GRM8: variants seen among roughly 807,000 people sequenced by gnomAD.
The protein encoded by GRM8 is metabotropic glutamate receptor 8.
GRM8 carries 47 observed loss-of-function variants against 87.2 expected under a neutral mutation model. The observed-to-expected ratio is 0.54, with a 90% confidence interval of 0.43 to 0.69. The LOEUF is 0.69. GRM8 is among the 30% of genes least tolerant of loss of function. GRM8 has a pLI of 0.00. For missense variants in GRM8, 1,019 were observed against 1,139.2 expected (o/e 0.89, Z 1.52); for synonymous variants, 396 against 404.5 (o/e 0.98, Z 0.25).
intron 6 of GRM8, among the ~76,000 whole-genome samples, chr7:126,774,525 T>C (rs1166559751): frequency 4.6e-5 from 7 of 152,156 alleles, no homozygotes; most frequent in Non-Finnish European, 8.8e-5. Context: ...AGTGTTTTCA[T>C]GGTGAGAGAG....
At chr7:126,673,037 G>T (rs983864136) in intron 7 of GRM8, among the ~76,000 whole-genome samples, 11 of 152,264 alleles carry the variant, frequency 7.2e-5, no homozygotes, top group African/African-American at 2.6e-4. Flanking sequence ...GGGGGTGCCT[G>T]GAGAAACTCC....
intron 3 of GRM8, among the ~76,000 whole-genome samples, chr7:126,921,402 G>C (rs752628209): frequency 5.9e-5 from 9 of 151,956 alleles, no homozygotes; most frequent in Non-Finnish European, 1.2e-4. Flanking sequence ...CCCCAAAAGA[G>C]AAAATAGAGG....
At chr7:127,021,873 G>A (rs1438127775) in intron 3 of GRM8, among the ~76,000 whole-genome samples, 2 of 152,034 alleles carry the variant, frequency 1.3e-5, no homozygotes, top group East Asian at 3.9e-4. Context: ...GAAAAGATAT[G>A]TGCAATTTTT....
At chr7:126,657,546 C>T (rs79831336) in intron 7 of GRM8, among the ~76,000 whole-genome samples, 1,992 of 152,310 alleles carry the variant, frequency 0.013, 23 homozygotes, top group Non-Finnish European at 0.022. Context: ...GGAACATAAA[C>T]TTTGAAATCA....
chr7:126,475,451 G>GA (rs931594606), intron 9 of GRM8, among the ~76,000 whole-genome samples: 3 of 151,876 alleles, frequency 2.0e-5, no homozygotes, highest in African/African-American at 7.2e-5. Context: ...AGACATTGAT[G>GA]AAAAAATTGA....
chr7:126,647,918 C>A (rs1220428617), intron 7 of GRM8, among the ~76,000 whole-genome samples: 1 of 152,118 alleles, frequency 6.6e-6, no homozygotes, highest in Non-Finnish European at 1.5e-5. Flanking sequence ...TTACCTTAAT[C>A]AAAATTCTTC....
At chr7:126,887,264 T>C (rs1351573570) in intron 6 of GRM8, among the ~76,000 whole-genome samples, 1 of 152,130 alleles carries the variant, frequency 6.6e-6, no homozygotes, top group Non-Finnish European at 1.5e-5. Context: ...GTGTATGGTT[T>C]ACAAATGCAG....
rs188157342 is a variant in GRM8, at chr7:126,438,911, C to T, written c.*208G>A. The T allele has an allele frequency of 4.2e-6, 2 of 471,588 alleles. No individual in the cohort carries two copies. Among genetic ancestry groups the T allele is most frequent in the African/African-American group, 2.0e-5 (1 of 50,418 alleles). 29.2% of individuals were successfully genotyped at this position (471,588 alleles called of 1,614,324 possible). ...GAATAAGCAATACTTTAGCTTGACA[C>T]TCATTGGTTTTATTGTATAAAACGG... On this transcript the variant is annotated 3_prime_UTR_variant, in exon 11 of 11. Coordinates refer to ENST00000339582, the MANE Select transcript of GRM8 (RefSeq NM_000845.3).
chr7:126,826,338 C>G (rs1347042013), intron 6 of GRM8, among the ~76,000 whole-genome samples: 1 of 152,196 alleles, frequency 6.6e-6, no homozygotes, highest in Non-Finnish European at 1.5e-5. Context: ...GTCCCAACAA[C>G]AGTGTAAAAG....
chr7:127,228,439 G>GGACT (rs1797478829), intron 2 of GRM8: 1 of 152,198 alleles, frequency 6.6e-6, no homozygotes, highest in Admixed American at 6.5e-5. Context: ...AACACCTGAA[G>GGACT]GACTGTCTCA....
chr7:127,193,823 A>C (rs1795145824), intron 2 of GRM8, among the ~76,000 whole-genome samples: 3 of 152,232 alleles, frequency 2.0e-5, no homozygotes. Context: ...CTCTTTCTGC[A>C]GTATCTGTTT....
intron 9 of GRM8, among the ~76,000 whole-genome samples, 166 bp downstream of exon 9, chr7:126,532,762 GAGATATATATATATATATATATAT>G (rs1387100212): frequency 2.5e-5 from 2 of 80,526 alleles, no homozygotes; most frequent in African/African-American, 8.9e-5. Context: ...TTGACGGATG[GAGATATATATATATATATATATAT>G]ATATATATAT....
At chr7:127,051,310 T>C (rs1396302375) in intron 3 of GRM8, among the ~76,000 whole-genome samples, 1 of 149,256 alleles carries the variant, frequency 6.7e-6, no homozygotes, top group Non-Finnish European at 1.5e-5. Context: ...GAACCACTTC[T>C]TCAGCAGTGT....
intron 10 of GRM8, among the ~76,000 whole-genome samples, chr7:126,444,872 G>A (rs1801839465): frequency 6.6e-6 from 1 of 152,006 alleles, no homozygotes; most frequent in African/African-American, 2.4e-5. Context: ...CTGACCGGGT[G>A]TGGTAACTCA....
At position 126,488,320 on chromosome 7, in the gene GRM8, G is replaced by GT. The variant is rs75315032; in HGVS notation, c.2431-41949dup. The stretch of plus-strand genomic sequence containing the variant: ...TGCCAGCAGTGTAGATGTCAACTCA[G>GT]TGAAAAAGACAAATGATGGTTTAGT... On this transcript the variant is annotated intron_variant, in intron 9 of 10. Transcript: ENST00000339582. Among the ~76,000 whole-genome samples, 474 of 151,850 alleles carry GT rather than the reference G, an allele frequency of 3.1e-3. 20 individuals are homozygous for GT. In the East Asian group the frequency reaches 0.079, roughly 25 times the overall value.
chr7:126,586,445 G>C (rs1484138677), intron 8 of GRM8, among the ~76,000 whole-genome samples: 1 of 152,180 alleles, frequency 6.6e-6, no homozygotes, highest in African/African-American at 2.4e-5. Context: ...CAAGGCTATA[G>C]TAACCAAAAC....
intron 7 of GRM8, among the ~76,000 whole-genome samples, chr7:126,647,205 A>G (rs1349057240): frequency 6.6e-6 from 1 of 152,136 alleles, no homozygotes; most frequent in African/African-American, 2.4e-5. Context: ...AGCCTATGCA[A>G]CACAGCAAGA....
intron 6 of GRM8, among the ~76,000 whole-genome samples, chr7:126,881,228 A>T (rs144976761): frequency 0.012 from 1,854 of 152,322 alleles, 50 homozygotes; most frequent in African/African-American, 0.043. Context: ...ACAAGATGGC[A>T]GGGCACCCAA....
chr7:127,232,226 A>T (rs1445803013), intron 2 of GRM8, among the ~76,000 whole-genome samples: 9 of 140,670 alleles, frequency 6.4e-5, no homozygotes, highest in African/African-American at 1.9e-4. Context: ...AGAGAGAGAG[A>T]GAGAGAGAGA....
Sources: gnomAD v4.1 joint callset for allele counts (sites outside exome capture counted in the v4.1 genomes callset) on GRCh38, gnomAD v4.1.1 for gene constraint, MANE v1.5 for transcripts, NCBI Gene and HGNC (gene_info 2026-07-23, HGNC 2026-07-21) for gene names.